The following SLC23A2 variants were observed in gnomAD, a reference collection of about 807,000 sequenced individuals.
The protein encoded by SLC23A2 is Na(+)/L-ascorbic acid transporter 2.
In SLC23A2, 36 loss-of-function variants were observed where a neutral mutation model predicts 73.3. That is an observed-to-expected ratio of 0.49 (90% CI 0.38 to 0.65). The LOEUF is 0.65. SLC23A2 is among the 30% of genes least tolerant of loss of function. SLC23A2 has a pLI of 0.00. For synonymous variants in SLC23A2, 343 were observed against 327.3 expected, an observed-to-expected ratio of 1.05 and a Z score of -0.52; for missense variants, 507 against 841.6, an observed-to-expected ratio of 0.60 and a Z score of 4.92.
At chr20:4,986,226 C>T (rs920292657) in intron 1 of SLC23A2, among the ~76,000 whole-genome samples, 9 of 152,108 alleles carry the variant, frequency 5.9e-5, no homozygotes, top group East Asian at 1.9e-4. Flanking sequence ...CCAGCAGAGG[C>T]GGGGGCAGGA....
At chr20:4,955,376 C>T (rs914020900) in intron 2 of SLC23A2, among the ~76,000 whole-genome samples, 17 of 151,880 alleles carry the variant, frequency 1.1e-4, no homozygotes, top group African/African-American at 3.9e-4. Context: ...CACACACACA[C>T]ACACACACAC....
At chr20:4,973,862 G>C (rs1433564105) in intron 1 of SLC23A2, among the ~76,000 whole-genome samples, 1 of 152,166 alleles carries the variant, frequency 6.6e-6, no homozygotes, top group African/African-American at 2.4e-5. Context: ...TGCTTCTGTT[G>C]CTTCTTAATT....
rs577121211 is a variant in SLC23A2, at chr20:4,977,005, A to G, written c.-281-6086T>C. Among the ~76,000 whole-genome samples, 12 of 152,152 alleles carry G rather than the reference A, an allele frequency of 7.9e-5. No homozygotes were observed. In the South Asian group the frequency reaches 2.3e-3, roughly 29 times the overall value. ...AAAAAATAACAAAAATGCATATCCA[A>G]TGAAATCACTGTTCTAGAAAAGTAA... On this transcript the variant is annotated intron_variant, in intron 1 of 16. Coordinates refer to ENST00000338244, the MANE Select transcript of SLC23A2 (RefSeq NM_005116.6).
intron 6 of SLC23A2, among the ~76,000 whole-genome samples, chr20:4,897,381 G>T (rs926010127): frequency 6.6e-6 from 1 of 152,202 alleles, no homozygotes; most frequent in Non-Finnish European, 1.5e-5. Flanking sequence ...GGAAGCAGGG[G>T]TGGGGCTGCC....
chr20:4,974,890 C>T (rs752093658), intron 1 of SLC23A2, among the ~76,000 whole-genome samples: 8 of 152,248 alleles, frequency 5.3e-5, no homozygotes, highest in Middle Eastern at 3.4e-3. Flanking sequence ...AGGGCTCAAG[C>T]GATTCTCCTG....
At chr20:4,951,708 G>A (rs1388875099) in intron 2 of SLC23A2, among the ~76,000 whole-genome samples, 1 of 152,156 alleles carries the variant, frequency 6.6e-6, no homozygotes. Flanking sequence ...GGTGATGGCT[G>A]TACAGCTTTG....
At chr20:4,871,716 G>A (rs995476943) in intron 11 of SLC23A2, among the ~76,000 whole-genome samples, 5 of 152,154 alleles carry the variant, frequency 3.3e-5, no homozygotes, top group African/African-American at 1.2e-4. Flanking sequence ...AGGTACGCAG[G>A]TTGATGGATG....
intron 2 of SLC23A2, among the ~76,000 whole-genome samples, chr20:4,964,698 T>C (rs1196981202): frequency 6.6e-6 from 1 of 151,796 alleles, no homozygotes; most frequent in Non-Finnish European, 1.5e-5. Flanking sequence ...ATTAGCCAGG[T>C]GTGGTAGCAC....
intron 1 of SLC23A2, among the ~76,000 whole-genome samples, chr20:4,976,312 A>G (rs1331028719): frequency 1.3e-5 from 2 of 152,104 alleles, no homozygotes; most frequent in African/African-American, 4.8e-5. Context: ...GAAATAGAGG[A>G]CATTTTTTAA....
chr20:4,992,774 T>A (rs2087948920), intron 1 of SLC23A2, among the ~76,000 whole-genome samples: 1 of 151,560 alleles, frequency 6.6e-6, no homozygotes, highest in Non-Finnish European at 1.5e-5. Context: ...CCTCCCAAAG[T>A]GCTGAGATTA....
chr20:4,953,340 A>G (rs577133493), intron 2 of SLC23A2, among the ~76,000 whole-genome samples: 28 of 152,128 alleles, frequency 1.8e-4, no homozygotes, highest in African/African-American at 6.5e-4. Flanking sequence ...TAAATAAAAA[A>G]AGAAATGTAA....
chr20:4,967,717 T>C (rs574476859), intron 2 of SLC23A2, among the ~76,000 whole-genome samples: 20 of 152,272 alleles, frequency 1.3e-4, no homozygotes, highest in African/African-American at 4.6e-4. Context: ...ACCAATAAAA[T>C]AGAAAATTCT....
intron 2 of SLC23A2, among the ~76,000 whole-genome samples, chr20:4,954,004 T>C (rs1026709432): frequency 6.6e-6 from 1 of 152,162 alleles, no homozygotes; most frequent in East Asian, 1.9e-4. Context: ...GTGGAATTCA[T>C]GCCAAAAAGT....
upstream of SLC23A2, among the ~76,000 whole-genome samples, chr20:5,002,700 A>G (rs1318627036): frequency 2.0e-5 from 3 of 152,168 alleles, no homozygotes; most frequent in Non-Finnish European, 4.4e-5. Context: ...GTGTCTTCCC[A>G]TTTATTTATC....
intron 3 of SLC23A2, among the ~76,000 whole-genome samples, chr20:4,926,410 A>G (rs1230399518): frequency 1.3e-5 from 2 of 152,112 alleles, no homozygotes; most frequent in Non-Finnish European, 2.9e-5. Context: ...GTGGTCCAAG[A>G]ACTGCTGAGC....
intron 2 of SLC23A2, among the ~76,000 whole-genome samples, chr20:4,936,651 G>C (rs540107003): frequency 6.6e-6 from 1 of 152,110 alleles, no homozygotes; most frequent in Non-Finnish European, 1.5e-5. Context: ...GTTCATCTTG[G>C]TGTTCCAGAC....
chr20:4,869,927 G>A lies in SLC23A2; in HGVS notation c.1229C>T (p.Pro410Leu), dbSNP rs765478407. The change falls in exon 12 of 17, where the codon CCC becomes CTC. Residue 410 changes from proline (P) to leucine (L), a missense_variant. This residue lies in a region of SLC23A2 where 27 missense variants were observed against 18.2 expected (regional missense o/e 1.48). Coordinates refer to ENST00000338244, the MANE Select transcript of SLC23A2 (RefSeq NM_005116.6). ...ACARLSCAPPPPIHAINRGIF... is the reference protein window; with the variant it reads ...ACARLSCAPPLPIHAINRGIF... ...GTACCTGTTTATTGCGTGGATGGGG[G>A]GGGGTGGGGCACAGGACAGCCGTGC... 3 of 1,607,604 alleles carry A rather than the reference G, an allele frequency of 1.9e-6. No homozygotes were observed. Among genetic ancestry groups the A allele is most frequent in the Admixed American group, 3.3e-5 (2 of 59,912 alleles).
At position 4,856,582 on chromosome 20, in the gene SLC23A2, G is replaced by A. The variant is rs1929719436; in HGVS notation, c.*390C>T. 5.8e-6 allele frequency: 1 copy of A among 171,794 alleles called. No individual in the cohort carries two copies. The highest frequency in any genetic ancestry group is 1.2e-5 in the Non-Finnish European group (1 of 80,636). The allele number at this position is 171,794 out of a possible 1,614,324, so 10.6% of individuals were successfully genotyped here. ...TCAAATGACAAGGAAACAGGTCCAGGGGCTTCGGAGAGAGAGAGAAAGCCC... is the reference window on the plus strand; with the variant it reads ...TCAAATGACAAGGAAACAGGTCCAGAGGCTTCGGAGAGAGAGAGAAAGCCC... On this transcript the variant is annotated 3_prime_UTR_variant, in exon 17 of 17. Coordinates refer to ENST00000338244, the MANE Select transcript of SLC23A2 (RefSeq NM_005116.6). This position sits in a 1 kb window ranked among gnomAD's most constrained non-coding sequence, Gnocchi z 4.6.
intron 1 of SLC23A2, among the ~76,000 whole-genome samples, chr20:4,980,077 CAT>C (rs1216503517): frequency 6.6e-6 from 1 of 151,978 alleles, no homozygotes; most frequent in African/African-American, 2.4e-5. Context: ...GCAAAATAAA[CAT>C]AGTGATTCCA....
Sources: allele counts gnomAD v4.1 joint callset (sites outside exome capture counted in the v4.1 genomes callset), GRCh38; gene constraint gnomAD v4.1.1; regional missense constraint gnomAD v4.1.1; non-coding constraint Gnocchi (gnomAD v3.1); transcripts MANE v1.5; gene names NCBI Gene and HGNC (gene_info 2026-07-23, HGNC 2026-07-21).